The following PACSIN2 variants were observed in gnomAD, a reference collection of about 807,000 sequenced individuals.
PACSIN2 encodes the protein protein kinase C and casein kinase substrate in neurons 2.
Under a neutral mutation model 63.8 loss-of-function variants are expected in PACSIN2, and 25 were observed. The observed-to-expected ratio is 0.39, with a 90% confidence interval of 0.29 to 0.55. The LOEUF (loss-of-function observed/expected upper bound fraction) is 0.55, where lower values mean the gene tolerates loss of function less well. Among genes scored for constraint, PACSIN2 ranks in the 20% least tolerant of loss-of-function variants. PACSIN2 has a pLI of 0.62. For missense variants in PACSIN2, 518 were observed against 646.9 expected, an observed-to-expected ratio of 0.80 and a Z score of 2.16; for synonymous variants, 255 against 256.2, an observed-to-expected ratio of 1.00 and a Z score of 0.05.
At chr22:42,978,890 G>C (rs542437255) in intron 1 of PACSIN2, among the ~76,000 whole-genome samples, 1 of 152,212 alleles carries the variant, frequency 6.6e-6, no homozygotes, top group African/African-American at 2.4e-5. Flanking sequence ...CAAAACAATT[G>C]TTTCTCCCCT....
At chr22:42,947,958 G>C (rs997018319) in intron 1 of PACSIN2, among the ~76,000 whole-genome samples, 1 of 152,200 alleles carries the variant, frequency 6.6e-6, no homozygotes, top group African/African-American at 2.4e-5. Context: ...AGGGTCGATG[G>C]ACACTTGAAC....
chr22:42,988,086 G>A (rs752949272), intron 1 of PACSIN2, among the ~76,000 whole-genome samples: 15 of 152,018 alleles, frequency 9.9e-5, no homozygotes, highest in Non-Finnish European at 1.8e-4. Context: ...GCTGTGAGCC[G>A]AGATCGCACC....
chr22:42,933,830 C>T (rs1242337654), intron 1 of PACSIN2, among the ~76,000 whole-genome samples: 1 of 152,196 alleles, frequency 6.6e-6, no homozygotes, highest in Non-Finnish European at 1.5e-5. Flanking sequence ...ATAAGATATT[C>T]TGATTGTAAG....
intron 1 of PACSIN2, among the ~76,000 whole-genome samples, chr22:42,998,673 CAGA>C (rs1317477008): frequency 6.6e-6 from 1 of 152,186 alleles, no homozygotes; most frequent in Admixed American, 6.5e-5. Context: ...AAACACGAGG[CAGA>C]AGGGCAGGGT....
At chr22:42,917,078 T>C (rs528916916) in intron 1 of PACSIN2, among the ~76,000 whole-genome samples, 1 of 152,234 alleles carries the variant, frequency 6.6e-6, no homozygotes, top group African/African-American at 2.4e-5. Context: ...TGCCAGACAC[T>C]GCGCCCCATG....
intron 1 of PACSIN2, among the ~76,000 whole-genome samples, chr22:42,976,942 A>G (rs573798820): frequency 3.0e-4 from 46 of 152,298 alleles, no homozygotes; most frequent in Non-Finnish European, 5.9e-4. Flanking sequence ...CCGACACAAT[A>G]CCTCATGTTA....
intron 1 of PACSIN2, among the ~76,000 whole-genome samples, chr22:42,954,404 C>CT (rs551109011): frequency 2.8e-4 from 42 of 150,052 alleles, no homozygotes; most frequent in African/African-American, 4.2e-4. Context: ...GAGAAACTGA[C>CT]TTTTTTTTTT....
intron 1 of PACSIN2, among the ~76,000 whole-genome samples, chr22:43,011,943 G>C (rs182280389): frequency 1.3e-5 from 2 of 151,054 alleles, no homozygotes; most frequent in East Asian, 2.0e-4. Flanking sequence ...TCAGGAAATC[G>C]AGACCATACT....
intron 1 of PACSIN2, among the ~76,000 whole-genome samples, chr22:42,934,248 C>T (rs1025000851): frequency 2.4e-4 from 37 of 152,220 alleles, no homozygotes; most frequent in Admixed American, 1.1e-3. Flanking sequence ...AACATATAAC[C>T]GAGGCCCAGA....
At chr22:42,875,130 G>C (rs1405217216) in intron 10 of PACSIN2, among the ~76,000 whole-genome samples, 3 of 150,544 alleles carry the variant, frequency 2.0e-5, no homozygotes, top group African/African-American at 7.4e-5. Flanking sequence ...GATTACAGGC[G>C]TGAGCCACCA....
chr22:42,967,960 T>G (rs544002942), intron 1 of PACSIN2, among the ~76,000 whole-genome samples: 84 of 152,364 alleles, frequency 5.5e-4, no homozygotes, highest in African/African-American at 2.0e-3. Context: ...TATGACATTT[T>G]ATACACGCTC....
At position 42,950,182 on chromosome 22, in the gene PACSIN2, A is replaced by G. The variant is rs144402440; in HGVS notation, c.-77-38025T>C. On this transcript the variant is annotated intron_variant, in intron 1 of 10. Coordinates refer to ENST00000263246, the MANE Select transcript of PACSIN2 (RefSeq NM_001184970.3). ...AATACGGTATAACTATTTACATTGTATTTATATTCTATTAGGTATTATAAG... is the reference window on the plus strand; with the variant it reads ...AATACGGTATAACTATTTACATTGTGTTTATATTCTATTAGGTATTATAAG... Among the ~76,000 whole-genome samples, 114 of 152,228 alleles carry G rather than the reference A, an allele frequency of 7.5e-4. 2 individuals are homozygous for G. The East Asian group carries it at 0.015, about 20-fold the overall frequency.
At chr22:42,949,044 G>A (rs1051950701) in intron 1 of PACSIN2, among the ~76,000 whole-genome samples, 1 of 152,168 alleles carries the variant, frequency 6.6e-6, no homozygotes, top group East Asian at 1.9e-4. Context: ...TGTAATCCCA[G>A]CACTTTGGGA....
At chr22:42,931,008 G>A (rs1332663678) in intron 1 of PACSIN2, among the ~76,000 whole-genome samples, 9 of 152,206 alleles carry the variant, frequency 5.9e-5, no homozygotes, top group Admixed American at 5.2e-4. Context: ...ATGCCAACCC[G>A]AGTCCAACAA....
chr22:42,989,263 G>A (rs1484521704), intron 1 of PACSIN2, among the ~76,000 whole-genome samples: 8 of 152,122 alleles, frequency 5.3e-5, no homozygotes, highest in Admixed American at 1.3e-4. Flanking sequence ...TTTGGGAGGC[G>A]AGGTGGGTGG....
intron 4 of PACSIN2, among the ~76,000 whole-genome samples, chr22:42,890,125 C>T (rs1420588251): frequency 2.0e-5 from 3 of 151,824 alleles, no homozygotes; most frequent in Non-Finnish European, 4.4e-5. Context: ...CCTCAGCCTC[C>T]TGAGTAGCTG....
rs368670934 is a variant in PACSIN2, at chr22:42,936,330, C to T, written c.-77-24173G>A. Among the ~76,000 whole-genome samples the T allele has an allele frequency of 3.8e-3, 571 of 152,250 alleles. 4 individuals are homozygous for T. The highest frequency in any genetic ancestry group is 0.013 in the African/African-American group (549 of 41,536). ...ATGCGGGGAAATACCTGTCTCTCAT[C>T]TGGCAAACAATCCATGTTGGTTCCC... On this transcript the variant is annotated intron_variant, in intron 1 of 10. Transcript: ENST00000263246.
intron 1 of PACSIN2, among the ~76,000 whole-genome samples, chr22:43,011,887 C>T (rs1280834089): frequency 6.6e-6 from 1 of 152,118 alleles, no homozygotes; most frequent in African/African-American, 2.4e-5. Flanking sequence ...TGGCAGGTGC[C>T]TGTAATCCCA....
Position 42,889,373 on chromosome 22 carries a change from T to TACACACACACACACACACACACACACAC in PACSIN2, c.454-576_454-575insGTGTGTGTGTGTGTGTGTGTGTGTGTGT, listed in dbSNP as rs58408551. On this transcript the variant is annotated intron_variant, in intron 4 of 10. Coordinates refer to ENST00000263246, the MANE Select transcript of PACSIN2 (RefSeq NM_001184970.3). ...CATTTCCTCTGGTTTTAATGGTTTTTACACACACACACACACACACACACA... is the reference window on the plus strand; with the variant it reads ...CATTTCCTCTGGTTTTAATGGTTTTTACACACACACACACACACACACACACACACACACACACACACACACACACACA... Among the ~76,000 whole-genome samples the TACACACACACACACACACACACACACAC allele has an allele frequency of 3.1e-3, 376 of 122,522 alleles. 10 individuals carry two copies. Among genetic ancestry groups the TACACACACACACACACACACACACACAC allele is most frequent in the East Asian group, 0.027 (121 of 4,466 alleles). The allele number at this position is 122,522 out of a possible 152,430, so 80.4% of individuals were successfully genotyped here.
Sources: gnomAD v4.1 joint callset for allele counts (sites outside exome capture counted in the v4.1 genomes callset) on GRCh38, gnomAD v4.1.1 for gene constraint, MANE v1.5 for transcripts, NCBI Gene and HGNC (gene_info 2026-07-23, HGNC 2026-07-21) for gene names.